The following SHH variants were observed in gnomAD, a reference collection of about 807,000 sequenced individuals.
SHH encodes the protein sonic hedgehog signaling molecule, also known as sonic hedgehog protein.
Under a neutral mutation model 16.6 loss-of-function variants are expected in SHH, and 3 were observed. That is an observed-to-expected ratio of 0.18 (90% CI 0.08 to 0.47). SHH has a LOEUF of 0.47. Ranked by LOEUF, SHH falls within the 20% of genes least tolerant of loss-of-function variation. The pLI, the probability that SHH is intolerant of heterozygous loss-of-function variation, is 0.98. For missense variants in SHH, 499 were observed against 665.0 expected, an observed-to-expected ratio of 0.75 and a Z score of 2.75; for synonymous variants, 351 against 316.2, an observed-to-expected ratio of 1.11 and a Z score of -1.17.
rs1427274648 is a variant in SHH, at chr7:155,809,029, A to G, written c.301-2472T>C. ...TCCTGGCGGCCCCAGAGCGCACATT[A>G]AATCTATTTAGTGTAGCGGCTCGGG... On this transcript the variant is annotated intron_variant, in intron 1 of 2. Transcript: ENST00000297261. This position sits in a 1 kb window ranked among gnomAD's most constrained non-coding sequence, Gnocchi z 6.1. 4 of 152,252 alleles carry G rather than the reference A, an allele frequency of 2.6e-5. No individual in the cohort carries two copies. Among genetic ancestry groups the G allele is most frequent in the African/African-American group, 9.7e-5 (4 of 41,404 alleles). The allele number at this position is 152,252 out of a possible 1,614,324, so 9.4% of individuals were successfully genotyped here. A position where few individuals can be genotyped will look rare whatever the true frequency, so the allele number is the denominator to read the frequency against.
At position 155,800,216 on chromosome 7, in the gene SHH, T is replaced by C. The variant is rs1295623696; in HGVS notation, c.*2684A>G. 2 of 471,018 alleles carry C rather than the reference T, an allele frequency of 4.2e-6. No homozygotes were observed. Among genetic ancestry groups the C allele is most frequent in the Non-Finnish European group, 4.4e-6 (1 of 227,050 alleles). 29.2% of individuals were successfully genotyped at this position (471,018 alleles called of 1,614,324 possible). ...CACCCTCTTGATGCCCTGTACCTAG[T>C]GTCTCTAAGCAGTGGTTTCCTTTCC... On this transcript the variant is annotated 3_prime_UTR_variant, in exon 3 of 3. Coordinates refer to ENST00000297261, the MANE Select transcript of SHH (RefSeq NM_000193.4).
chr7:155,803,589 G>A lies in SHH; in HGVS notation c.700C>T (p.Leu234Phe). 6.3e-7 allele frequency: 1 copy of A among 1,598,494 alleles called. No individual in the cohort carries two copies. The highest frequency in any genetic ancestry group is 1.1e-5 in the South Asian group (1 of 90,892). The stretch of plus-strand genomic sequence containing the variant: ...AGGAAAGTGAGGAAGTCGCTGTAGA[G>A]CAGCCGGCCCTGGTCGTCCGCCGCC... ...VLAADDQGRL[L>F]YSDFLTFLDR... Residue 234 changes from leucine to phenylalanine, a missense_variant, in exon 3 of 3, where the codon CTC (leucine) becomes TTC (phenylalanine). Coordinates refer to ENST00000297261, the MANE Select transcript of SHH (RefSeq NM_000193.4).
rs780618619 is a variant in SHH at position 155,803,018 on chromosome 7, G to A, written c.1271C>T (p.Pro424Leu). 5.2e-6 allele frequency: 8 copies of A among 1,544,114 alleles called. No homozygotes were observed. Among genetic ancestry groups the A allele is most frequent in the Admixed American group, 3.8e-5 (2 of 52,648 alleles). Reference protein sequence around the residue: ...ALTAPGAADAPGAGATAGIHW... With the variant: ...ALTAPGAADALGAGATAGIHW... ...GATGCCCGCGGTGGCCCCCGCACCC[G>A]GAGCGTCGGCAGCACCTGGAGCGGT... Residue 424 changes from proline to leucine, a missense_variant, in exon 3 of 3, where the codon CCG becomes CTG. By Grantham distance (98) the Pro-to-Leu change is moderately conservative. Around this residue, in one of 4 missense-constraint regions of SHH, gnomAD observed 299 missense variants for 301.1 expected, o/e 0.99. Transcript: ENST00000297261.
At position 155,807,720 on chromosome 7, in the gene SHH, A is replaced by G. The variant is rs542163229; in HGVS notation, c.301-1163T>C. On this transcript the variant is annotated intron_variant, in intron 1 of 2. Transcript: ENST00000297261. This position sits in a 1 kb window ranked among gnomAD's most constrained non-coding sequence, Gnocchi z 7.1. ...TGTTTACCCTGCTGCTGCTGGTGGG[A>G]CATGGGATTTAAAGAGGGGGAACTG... Among the ~76,000 whole-genome samples, 22 of 152,214 alleles carry G rather than the reference A, an allele frequency of 1.4e-4. No homozygotes were observed. The highest frequency in any genetic ancestry group is 5.3e-4 in the African/African-American group (22 of 41,526).
rs1271277123 is a variant in SHH, at chr7:155,809,185, G to C, written c.301-2628C>G. On this transcript the variant is annotated intron_variant, in intron 1 of 2. Transcript: ENST00000297261. The surrounding 1 kb of genome is among the most constrained non-coding windows in gnomAD (Gnocchi z 6.1). ...GTCTGTCTGCGCTTTCCTCTCCCGGGTTAATATTAACCGGCAGCTCCTGCG... is the reference window on the plus strand; with the variant it reads ...GTCTGTCTGCGCTTTCCTCTCCCGGCTTAATATTAACCGGCAGCTCCTGCG... 1 of 152,198 alleles carries C rather than the reference G, an allele frequency of 6.6e-6. No homozygotes were observed. Among genetic ancestry groups the C allele is most frequent in the Non-Finnish European group, 1.5e-5 (1 of 68,088 alleles). 9.4% of individuals were successfully genotyped at this position (152,198 alleles called of 1,614,324 possible).
chr7:155,800,921 G>C lies in SHH; in HGVS notation c.*1979C>G. 7.6e-6 allele frequency: 2 copies of C among 264,666 alleles called. No homozygotes were observed. Among genetic ancestry groups the C allele is most frequent in the Non-Finnish European group, 1.5e-5 (2 of 130,870 alleles). The allele number at this position is 264,666 out of a possible 1,614,324, so 16.4% of individuals were successfully genotyped here. On this transcript the variant is annotated 3_prime_UTR_variant, in exon 3 of 3. Transcript: ENST00000297261. The stretch of plus-strand genomic sequence containing the variant: ...CCTTCTACACAGGCTGCAGCTGCTG[G>C]GAGGCCCCAAGCTCATGCAGCGCAA...
Position 155,803,734 on chromosome 7 carries a change from TGAG to T in SHH, c.563-11_563-9del, listed in dbSNP as rs749052206. On this transcript the variant is annotated splice_polypyrimidine_tract_variant and intron_variant, in intron 2 of 2. Coordinates refer to ENST00000297261, the MANE Select transcript of SHH (RefSeq NM_000193.4). ...TGGCCGCCACCGAGTTCTCTGCGGGTGAGGAGAAGGGAAAGAAGAGAGGACAGG... is the reference window on the plus strand; with the variant it reads ...TGGCCGCCACCGAGTTCTCTGCGGGTGAGAAGGGAAAGAAGAGAGGACAGG... 30 of 1,588,404 alleles carry T rather than the reference TGAG, an allele frequency of 1.9e-5. 1 individual carries two copies. In the East Asian group the frequency reaches 3.4e-4, roughly 18 times the overall value.
intron 1 of SHH, among the ~76,000 whole-genome samples, chr7:155,808,684 G>C (rs1289340001): frequency 2.6e-5 from 4 of 152,218 alleles, no homozygotes; most frequent in Admixed American, 2.6e-4. Flanking sequence ...GCCCAGGCCG[G>C]TTATTAATTC....
At position 155,800,475 on chromosome 7, in the gene SHH, G is replaced by C. The variant is rs1038401176; in HGVS notation, c.*2425C>G. The C allele has an allele frequency of 2.2e-6, 1 of 452,760 alleles. No individual in the cohort carries two copies. Among genetic ancestry groups the C allele is most frequent in the Non-Finnish European group, 4.6e-6 (1 of 218,668 alleles). The allele number at this position is 452,760 out of a possible 1,614,324, so 28.0% of individuals were successfully genotyped here. A position where few individuals can be genotyped will look rare whatever the true frequency, so the allele number is the denominator to read the frequency against. On this transcript the variant is annotated 3_prime_UTR_variant, in exon 3 of 3. Coordinates refer to ENST00000297261, the MANE Select transcript of SHH (RefSeq NM_000193.4). Reference sequence around the variant, plus strand: ...TCAGGCACCTTGGGGCTTGGTCAACGCCTGGCTTCTCTCTGATCGTCTGGG... The same window carrying C: ...TCAGGCACCTTGGGGCTTGGTCAACCCCTGGCTTCTCTCTGATCGTCTGGG...
At position 155,803,410 on chromosome 7, in the gene SHH, C is replaced by T. The variant is rs911838783; in HGVS notation, c.879G>A (p.Pro293=). 16 of 1,519,190 alleles carry T rather than the reference C, an allele frequency of 1.1e-5. No homozygotes were observed. Among genetic ancestry groups the T allele is most frequent in the Middle Eastern group, 4.4e-4 (2 of 4,568 alleles). The allele number at this position is 1,519,190 out of a possible 1,614,324, so 94.1% of individuals were successfully genotyped here. ...GEPEASSGSG[P]PSGGALGPRA... Reference sequence around the variant, plus strand: ...GAGGCCCCAGTGCGCCCCCGGAAGGCGGCCCCGAGCCCGAGGACGCCTCGG... The same window carrying T: ...GAGGCCCCAGTGCGCCCCCGGAAGGTGGCCCCGAGCCCGAGGACGCCTCGG... The change falls in exon 3 of 3, where the codon CCG becomes CCA. Residue 293 remains proline (P), a synonymous_variant. Coordinates refer to ENST00000297261, the MANE Select transcript of SHH (RefSeq NM_000193.4).
rs1237960705 is a variant in SHH, at chr7:155,801,382, A to G, written c.*1518T>C. 6.6e-6 allele frequency: 1 copy of G among 152,310 alleles called. No homozygotes were observed. The highest frequency in any genetic ancestry group is 1.5e-5 in the Non-Finnish European group (1 of 68,120). The allele number at this position is 152,310 out of a possible 1,614,324, so 9.4% of individuals were successfully genotyped here. A position where few individuals can be genotyped will look rare whatever the true frequency, so the allele number is the denominator to read the frequency against. On this transcript the variant is annotated 3_prime_UTR_variant, in exon 3 of 3. Coordinates refer to ENST00000297261, the MANE Select transcript of SHH (RefSeq NM_000193.4). Reference sequence around the variant, plus strand: ...TGGAAGGGACACAACAGGACCTCAGAAAGCAGCAATGAGCCTCCTCCCTAC... The same window carrying G: ...TGGAAGGGACACAACAGGACCTCAGGAAGCAGCAATGAGCCTCCTCCCTAC...
Position 155,809,986 on chromosome 7 carries a change from C to A in SHH, c.300+1837G>T, listed in dbSNP as rs1276928006. Among the ~76,000 whole-genome samples the A allele has an allele frequency of 1.3e-5, 2 of 151,882 alleles. No homozygotes were observed. The highest frequency in any genetic ancestry group is 4.8e-5 in the African/African-American group (2 of 41,422). On this transcript the variant is annotated intron_variant, in intron 1 of 2. Transcript: ENST00000297261. This position sits in a 1 kb window ranked among gnomAD's most constrained non-coding sequence, Gnocchi z 6.1. ...CTGCGCGGGCGCCCCCATCTCCGCGCCCCCGCCGCCGGGGACACTACAGCG... is the reference window on the plus strand; with the variant it reads ...CTGCGCGGGCGCCCCCATCTCCGCGACCCCGCCGCCGGGGACACTACAGCG...
chr7:155,806,325 T>C lies in SHH; in HGVS notation c.533A>G (p.Lys178Arg), dbSNP rs751492300. Reference sequence around the variant, plus strand: ...TTTCACCGAGCAGTGGATATGTGCCTTGGACTCGTAGTACACCCAGTCGAA... The same window carrying C: ...TTTCACCGAGCAGTGGATATGTGCCCTGGACTCGTAGTACACCCAGTCGAA... ...AGFDWVYYES[K>R]AHIHCSVKAE... Residue 178 changes from lysine (K) to arginine (R), a missense_variant, in exon 2 of 3, where the codon AAG becomes AGG. Around this residue, in one of 4 missense-constraint regions of SHH, gnomAD observed 114 missense variants for 200.4 expected, o/e 0.57. Coordinates refer to ENST00000297261, the MANE Select transcript of SHH (RefSeq NM_000193.4). 3.1e-6 allele frequency: 5 copies of C among 1,613,200 alleles called. No homozygotes were observed. The highest frequency in any genetic ancestry group is 4.5e-5 in the East Asian group (2 of 44,892).
At chr7:155,808,886 G>T (rs1387153083) in intron 1 of SHH, 1 of 152,220 alleles carries the variant, frequency 6.6e-6, no homozygotes, top group Non-Finnish European at 1.5e-5. Context: ...CCCCCAGCGC[G>T]GGGGCGGGGG....
At chr7:155,804,071 A>T (rs1803282346) in intron 2 of SHH, among the ~76,000 whole-genome samples, 1 of 152,066 alleles carries the variant, frequency 6.6e-6, no homozygotes, top group Non-Finnish European at 1.5e-5. Context: ...CTCGCCGCGA[A>T]TCCATCCAGA....
At position 155,811,909 on chromosome 7, in the gene SHH, G is replaced by T. The variant is rs779093031; in HGVS notation, c.214C>A (p.Arg72=). Residue 72 remains arginine, a synonymous_variant, in exon 1 of 3, where the codon CGA becomes AGA. Transcript: ENST00000297261. ...TAATTGGGGGTGAGTTCCTTAAATC[G>T]CTCGGAGTTTCTGGAGATCTTCCCT... is the stretch of plus-strand genomic sequence containing the variant. ...YEGKISRNSE[R]FKELTPNYNP... 2.6e-5 allele frequency: 42 copies of T among 1,613,934 alleles called. No homozygotes were observed. Among genetic ancestry groups the T allele is most frequent in the Non-Finnish European group, 3.5e-5 (41 of 1,179,982 alleles).
At chr7:155,808,553 G>T (rs1344036141) in intron 1 of SHH, among the ~76,000 whole-genome samples, 1 of 152,194 alleles carries the variant, frequency 6.6e-6, no homozygotes, top group African/African-American at 2.4e-5. Flanking sequence ...GGAGGCCGAG[G>T]GTTGCTGGAG....
chr7:155,805,079 C>G (rs1803314752), intron 2 of SHH, among the ~76,000 whole-genome samples: 1 of 152,090 alleles, frequency 6.6e-6, no homozygotes, highest in Non-Finnish European at 1.5e-5. Flanking sequence ...GCGGCTCCCG[C>G]GCCGCGGCTC....
rs1018741591 is a variant in SHH, at chr7:155,802,054, A to T, written c.*846T>A. ...TCTAATAAATTCTTTGAAGTTAAAA[A>T]TAACAGTTCTTCCAGTTTGTCCAAA... is the stretch of plus-strand genomic sequence containing the variant. On this transcript the variant is annotated 3_prime_UTR_variant, in exon 3 of 3. Coordinates refer to ENST00000297261, the MANE Select transcript of SHH (RefSeq NM_000193.4). 3 of 150,394 alleles carry T rather than the reference A, an allele frequency of 2.0e-5. No homozygotes were observed. Among genetic ancestry groups the T allele is most frequent in the Non-Finnish European group, 4.4e-5 (3 of 67,950 alleles). The allele number at this position is 150,394 out of a possible 1,614,324, so 9.3% of individuals were successfully genotyped here. A position where few individuals can be genotyped will look rare whatever the true frequency, so the allele number is the denominator to read the frequency against.
Sources: allele counts gnomAD v4.1 joint callset (sites outside exome capture counted in the v4.1 genomes callset), GRCh38; gene constraint gnomAD v4.1.1; regional missense constraint gnomAD v4.1.1; non-coding constraint Gnocchi (gnomAD v3.1); transcripts MANE v1.5; gene names NCBI Gene and HGNC (gene_info 2026-07-23, HGNC 2026-07-21).